Variants in DHX9 observed in about 807,000 individuals in gnomAD.
DHX9 encodes the protein ATP-dependent RNA helicase A.
Under a neutral mutation model 148.7 loss-of-function variants are expected in DHX9, and 27 were observed. The observed-to-expected ratio is 0.18, with a 90% CI of 0.13 to 0.25. The LOEUF (loss-of-function observed/expected upper bound fraction) is 0.25, where lower values mean the gene tolerates loss of function less well. Ranked by LOEUF, DHX9 falls within the 10% of genes least tolerant of loss-of-function variation. The probability of loss-of-function intolerance (pLI) is 1.00; values close to 1 mark genes in which losing one functional copy is unlikely to be tolerated. For synonymous variants in DHX9, 529 were observed against 516.6 expected (o/e 1.02, Z -0.33); for missense variants, 796 against 1,559.6 (o/e 0.51, Z 8.25).
rs376734640 is a variant in DHX9 at position 182,859,082 on chromosome 1, A to T, written c.1105A>T (p.Met369Leu). The T allele has an allele frequency of 1.2e-6, 2 of 1,614,044 alleles. No individual in the cohort carries two copies. The highest frequency in any genetic ancestry group is 4.5e-5 in the East Asian group (2 of 44,880). The stretch of plus-strand genomic sequence containing the variant: ...AAGCATGGACCTCAAGAATGAATTG[A>T]TGTACCAGTTGGAACAGGATCATGA... ...QISMDLKNEL[M>L]YQLEQDHDLQ... is the part of the protein sequence containing the mutation. The change falls in exon 11 of 28, where the codon ATG (methionine) becomes TTG (leucine). Residue 369 changes from methionine to leucine, a missense_variant. Physicochemically the swap from Met to Leu is conservative, Grantham distance 15. Coordinates refer to ENST00000367549, the MANE Select transcript of DHX9 (RefSeq NM_001357.5).
chr1:182,883,110 T>A, intron 24 of DHX9, 29 bp from the exon 25 acceptor site: 2 of 1,506,312 alleles, frequency 1.3e-6, no homozygotes, highest in Non-Finnish European at 9.2e-7. Flanking sequence ...GTTATCTGAT[T>A]TTTGTTTTCA....
intron 14 of DHX9, 37 bp from the exon 15 acceptor site, chr1:182,872,300 A>G (rs375660456): frequency 6.4e-7 from 1 of 1,572,080 alleles, no homozygotes; most frequent in Non-Finnish European, 8.7e-7. Flanking sequence ...TATAAACTTA[A>G]TGTAATTTCA....
At chr1:182,878,422 C>T (rs1329298664) in intron 20 of DHX9, among the ~76,000 whole-genome samples, 2 of 152,192 alleles carry the variant, frequency 1.3e-5, no homozygotes, top group Non-Finnish European at 2.9e-5. Flanking sequence ...TAAGTGGTTA[C>T]TCCTTAGGCC....
At chr1:182,865,113 G>GA (rs1667997859) in intron 12 of DHX9, among the ~76,000 whole-genome samples, 1 of 152,220 alleles carries the variant, frequency 6.6e-6, no homozygotes. Context: ...GACAGTAGTA[G>GA]AAAAGGGGGA....
chr1:182,859,900 A>G (rs1571306823), intron 11 of DHX9, 93 bp from the exon 12 acceptor site: 9 of 1,280,256 alleles, frequency 7.0e-6, no homozygotes, highest in South Asian at 1.5e-5. Flanking sequence ...CACCGCGCCC[A>G]GTCTATAGAG....
intron 12 of DHX9, among the ~76,000 whole-genome samples, chr1:182,864,959 C>T (rs542461978): frequency 5.3e-5 from 8 of 152,238 alleles, no homozygotes; most frequent in African/African-American, 1.2e-4. Flanking sequence ...TTGAAAATAA[C>T]CCCAAGGTGA....
chr1:182,861,507 C>T (rs1668363376), intron 12 of DHX9, among the ~76,000 whole-genome samples: 1 of 152,146 alleles, frequency 6.6e-6, no homozygotes, highest in South Asian at 2.1e-4. Context: ...CTCTGCTCTG[C>T]TCTTCTCTTC....
chr1:182,863,439 A>G (rs1648080563), intron 12 of DHX9, among the ~76,000 whole-genome samples: 1 of 152,192 alleles, frequency 6.6e-6, no homozygotes, highest in Admixed American at 6.5e-5. Flanking sequence ...CGATTTCTAG[A>G]TGTCTCTGTG....
chr1:182,874,790 G>A, intron 15 of DHX9, 64 bp from the exon 16 acceptor site: 2 of 1,264,744 alleles, frequency 1.6e-6, no homozygotes. Context: ...ATTAGCAAAT[G>A]AATTTAGGTC....
Position 182,887,539 on chromosome 1 carries a change from C to T in DHX9, c.*105C>T. On this transcript the variant is annotated 3_prime_UTR_variant, in exon 28 of 28. Transcript: ENST00000367549. The stretch of plus-strand genomic sequence containing the variant: ...TTTATTTGCCACCAAAAAGTAAATG[C>T]ATTTTCACCCATTCTGTGGTTCATT... 1.0e-6 allele frequency: 1 copy of T among 971,124 alleles called. No homozygotes were observed. The highest frequency in any genetic ancestry group is 1.7e-5 in the South Asian group (1 of 58,106). 60.2% of individuals were successfully genotyped at this position (971,124 alleles called of 1,614,324 possible). A position where few individuals can be genotyped will look rare whatever the true frequency, so the allele number is the denominator to read the frequency against.
At chr1:182,882,311 C>T (rs1201369650) in intron 24 of DHX9, among the ~76,000 whole-genome samples, 1 of 152,158 alleles carries the variant, frequency 6.6e-6, no homozygotes. Context: ...AATTAGGAGG[C>T]TATAAGACTA....
At position 182,884,718 on chromosome 1, in the gene DHX9, C is replaced by G; in HGVS notation, c.3366C>G (p.Ser1122Arg). 6.2e-7 allele frequency: 1 copy of G among 1,614,146 alleles called. No individual in the cohort carries two copies. Among genetic ancestry groups the G allele is most frequent in the Non-Finnish European group, 8.5e-7 (1 of 1,180,030 alleles). ...VEVTKQPAII[S>R]QLDPVNERML... ...TAACCAAACAACCTGCTATCATCAGCCAGTTGGACCCCGTAAATGAACGTA... is the reference window on the plus strand; with the variant it reads ...TAACCAAACAACCTGCTATCATCAGGCAGTTGGACCCCGTAAATGAACGTA... The change falls in exon 27 of 28, where the codon AGC becomes AGG. Residue 1122 changes from serine to arginine, a missense_variant. Transcript: ENST00000367549.
chr1:182,865,311 A>C (rs1648246335), intron 12 of DHX9, among the ~76,000 whole-genome samples: 1 of 152,208 alleles, frequency 6.6e-6, no homozygotes, highest in Non-Finnish European at 1.5e-5. Context: ...GGTGCAGAGC[A>C]CTGTGTCTGT....
At chr1:182,852,163 T>C (rs1668163132) in intron 3 of DHX9, 70 bp from the exon 4 acceptor site, 2 of 906,838 alleles carry the variant, frequency 2.2e-6, no homozygotes, top group Middle Eastern at 3.0e-4. Flanking sequence ...TCCTTTTAAG[T>C]ATTAAAAGAA....
intron 3 of DHX9, among the ~76,000 whole-genome samples, 161 bp downstream of exon 3, chr1:182,843,595 C>T (rs1667970663): frequency 6.6e-6 from 1 of 152,160 alleles, no homozygotes. Flanking sequence ...GACAAAATTT[C>T]TGAAGATGTG....
intron 26 of DHX9, 107 bp downstream of exon 26, chr1:182,883,742 T>TTA (rs2102621988): frequency 1.5e-6 from 1 of 676,378 alleles, no homozygotes; most frequent in Non-Finnish European, 2.4e-6. Flanking sequence ...TCTAACTTAA[T>TTA]TATATACTAT....
At chr1:182,867,770 A>C (rs1033516507) in intron 14 of DHX9, among the ~76,000 whole-genome samples, 4 of 152,172 alleles carry the variant, frequency 2.6e-5, no homozygotes, top group African/African-American at 9.7e-5. Flanking sequence ...GTTAATGAGA[A>C]TCATGCCAAA....
intron 14 of DHX9, among the ~76,000 whole-genome samples, chr1:182,867,389 G>C (rs914133561): frequency 1.3e-5 from 2 of 151,960 alleles, no homozygotes; most frequent in African/African-American, 4.8e-5. Flanking sequence ...GTTTATGATA[G>C]ATTTTATAAT....
intron 21 of DHX9, 49 bp downstream of exon 21, chr1:182,879,459 T>TAA (rs2102618188): frequency 1.5e-6 from 2 of 1,367,016 alleles, no homozygotes; most frequent in African/African-American, 1.4e-5. Flanking sequence ...TCATACCATC[T>TAA]GTCTTGTTCT....
Sources: gnomAD v4.1 joint callset for allele counts (sites outside exome capture counted in the v4.1 genomes callset) on GRCh38, gnomAD v4.1.1 for gene constraint, MANE v1.5 for transcripts, NCBI Gene and HGNC (gene_info 2026-07-23, HGNC 2026-07-21) for gene names.